SULT6B1: variants seen among roughly 807,000 people sequenced by gnomAD.
The protein encoded by SULT6B1 is sulfotransferase 6B1.
In SULT6B1, 44 loss-of-function variants were observed where a neutral mutation model predicts 37.2. That is an observed-to-expected ratio of 1.18 (90% CI 0.93 to 1.52). The LOEUF (loss-of-function observed/expected upper bound fraction) is 1.52, where lower values mean the gene tolerates loss of function less well. Ranked by LOEUF, SULT6B1 falls within the 40% of genes most tolerant of loss-of-function variation. SULT6B1 has a pLI of 0.00. For synonymous variants in SULT6B1, 140 were observed against 126.0 expected (o/e 1.11, Z -0.74); for missense variants, 450 against 361.0 (o/e 1.25, Z -2.00).
intron 1 of SULT6B1, among the ~76,000 whole-genome samples, chr2:37,194,958 T>G (rs981047324): frequency 8.7e-6 from 1 of 114,720 alleles, no homozygotes; most frequent in Admixed American, 1.0e-4. Flanking sequence ...CCTTCCTTCC[T>G]TCCATTTTTG....
upstream of SULT6B1, among the ~76,000 whole-genome samples, chr2:37,190,220 A>G (rs1366582984): frequency 6.6e-6 from 1 of 152,246 alleles, no homozygotes; most frequent in Non-Finnish European, 1.5e-5. Context: ...TCAAATATCT[A>G]TAAATGTAGA....
chr2:37,171,815 A>C (rs1006199646), intron 5 of SULT6B1, among the ~76,000 whole-genome samples: 7 of 152,144 alleles, frequency 4.6e-5, no homozygotes, highest in African/African-American at 1.7e-4. Context: ...ACTCTTGTTG[A>C]ACTTACCAGA....
At chr2:37,189,444 C>G (rs942452807), upstream of SULT6B1, among the ~76,000 whole-genome samples, 1 of 152,190 alleles carries the variant, frequency 6.6e-6, no homozygotes, top group Non-Finnish European at 1.5e-5. Context: ...AGAAGACACC[C>G]AAGTGGATGA....
In SULT6B1 at chr2:37,187,377, C is replaced by T. The variant is rs190298918; in HGVS notation, c.290G>A (p.Cys97Tyr). The T allele has an allele frequency of 6.2e-7, 1 of 1,601,732 alleles. No homozygotes were observed. The highest frequency in any genetic ancestry group is 1.3e-5 in the African/African-American group (1 of 74,818). Residue 97 changes from cysteine (C) to tyrosine (Y), a missense_variant, in exon 2 of 7, where the codon TGT becomes TAT. Coordinates refer to ENST00000535679, the MANE Select transcript of SULT6B1 (RefSeq NM_001367551.1). ...YKYPEFPVLE[C>Y]GDSEKYQRMK... ...AACCTGATATTTTTCTGAATCCCCA[C>T]ATTCAAGAACTGGGAATTCTGGATA...
chr2:37,188,244 G>A (rs1676714157), intron 1 of SULT6B1, among the ~76,000 whole-genome samples, 198 bp downstream of exon 1: 1 of 152,054 alleles, frequency 6.6e-6, no homozygotes, highest in Non-Finnish European at 1.5e-5. Flanking sequence ...TCTTCCTTCA[G>A]ACACTGGAGT....
At chr2:37,185,731 A>AC (rs1483293192) in intron 2 of SULT6B1, among the ~76,000 whole-genome samples, 1 of 151,420 alleles carries the variant, frequency 6.6e-6, no homozygotes, top group African/African-American at 2.4e-5. Context: ...AAAAAAAAAA[A>AC]AAAAAACAGA....
chr2:37,170,632 G>T (rs997336774), intron 6 of SULT6B1, among the ~76,000 whole-genome samples: 1 of 151,366 alleles, frequency 6.6e-6, no homozygotes, highest in Non-Finnish European at 1.5e-5. Context: ...TTAGCCAGGC[G>T]TGGTGGCGCA....
chr2:37,179,794 T>A (rs2148292148), intron 3 of SULT6B1, among the ~76,000 whole-genome samples: 1 of 152,222 alleles, frequency 6.6e-6, no homozygotes, highest in Admixed American at 6.6e-5. Flanking sequence ...AGATTGATAT[T>A]GTTGCAAAGG....
At chr2:37,170,051 A>ATAGTCATTT (rs1463202567) in intron 6 of SULT6B1, among the ~76,000 whole-genome samples, 1 of 152,184 alleles carries the variant, frequency 6.6e-6, no homozygotes, top group East Asian at 1.9e-4. Context: ...TGCCTTTCCC[A>ATAGTCATTT]TAGTCATTTT....
chr2:37,195,096 T>C lies in SULT6B1; in HGVS notation c.-22+1420A>G, dbSNP rs530107926. ...TTCCGAATAGCTGGGATTACAGGCA[T>C]GCTCCACCTCACCCAGCTAATTTTC... is the stretch of plus-strand genomic sequence containing the variant. On this transcript the variant is annotated intron_variant, in intron 1 of 7. Transcript: ENST00000407963. Among the ~76,000 whole-genome samples the C allele has an allele frequency of 6.1e-4, 93 of 152,174 alleles. No homozygotes were observed. The Middle Eastern group carries it at 0.01, about 17-fold the overall frequency.
chr2:37,175,004 T>C (rs781192355), intron 5 of SULT6B1, 128 bp downstream of exon 5: 8 of 505,506 alleles, frequency 1.6e-5, no homozygotes, highest in Non-Finnish European at 2.4e-5. Context: ...TCCAGCACTG[T>C]ACCATATATC....
Position 37,167,984 on chromosome 2 carries a change from C to A in SULT6B1, c.863G>T (p.Gly288Val), listed in dbSNP as rs754680085. Residue 288 changes from glycine to valine, a missense_variant, in exon 7 of 7, where the codon GGC (glycine) becomes GTC (valine). By Grantham distance (109) the Gly-to-Val change is moderately radical. Coordinates refer to ENST00000535679, the MANE Select transcript of SULT6B1 (RefSeq NM_001367551.1). ...MDEKFKECLA[G>V]TSLGAKLKYE... ...CTTCAACTTTGCTCCGAGGGAGGTG[C>A]CTGCTAAGCACTCTTTGAATTTTTC... is the stretch of plus-strand genomic sequence containing the variant. 8 of 1,599,584 alleles carry A rather than the reference C, an allele frequency of 5.0e-6. No homozygotes were observed. Among genetic ancestry groups the A allele is most frequent in the Non-Finnish European group, 6.8e-6 (8 of 1,176,614 alleles).
upstream of SULT6B1, among the ~76,000 whole-genome samples, chr2:37,190,879 G>C (rs1224302794): frequency 6.6e-6 from 1 of 152,092 alleles, no homozygotes; most frequent in Admixed American, 6.5e-5. Flanking sequence ...CTCCCCCTAA[G>C]CACAAGGATT....
At chr2:37,183,888 C>CA (rs1434042480) in intron 2 of SULT6B1, among the ~76,000 whole-genome samples, 4 of 152,218 alleles carry the variant, frequency 2.6e-5, no homozygotes, top group African/African-American at 9.7e-5. Flanking sequence ...AGGTAATCTG[C>CA]TCGCCTCAGC....
chr2:37,195,497 T>C (rs1396540309), intron 1 of SULT6B1, among the ~76,000 whole-genome samples: 1 of 152,198 alleles, frequency 6.6e-6, no homozygotes, highest in Non-Finnish European at 1.5e-5. Context: ...CTTCCTTTAC[T>C]TGGCGTGGAC....
At chr2:37,178,521 C>CTACT (rs1317849259) in intron 4 of SULT6B1, among the ~76,000 whole-genome samples, 1 of 152,202 alleles carries the variant, frequency 6.6e-6, no homozygotes, top group Non-Finnish European at 1.5e-5. Context: ...CAGGCATGAG[C>CTACT]TACTGTGCCT....
chr2:37,184,867 A>C (rs1005986424), intron 2 of SULT6B1, among the ~76,000 whole-genome samples: 4 of 151,012 alleles, frequency 2.6e-5, no homozygotes, highest in Non-Finnish European at 5.9e-5. Context: ...TGGAGATCTC[A>C]ACTCAAGCAA....
chr2:37,170,232 G>A (rs1322170007), intron 6 of SULT6B1, among the ~76,000 whole-genome samples: 6 of 150,396 alleles, frequency 4.0e-5, no homozygotes, highest in South Asian at 2.1e-4. Flanking sequence ...TTGGGAGGCC[G>A]AGAATGGGTG....
At chr2:37,190,783 C>T (rs1013523458), upstream of SULT6B1, among the ~76,000 whole-genome samples, 9 of 152,064 alleles carry the variant, frequency 5.9e-5, no homozygotes, top group South Asian at 4.1e-4. Flanking sequence ...CTTGTTTCAA[C>T]GGATATCTTG....
Sources: allele counts gnomAD v4.1 joint callset (sites outside exome capture counted in the v4.1 genomes callset), GRCh38; gene constraint gnomAD v4.1.1; transcripts MANE v1.5; gene names NCBI Gene and HGNC (gene_info 2026-07-23, HGNC 2026-07-21).